The following PLXNC1 variants were observed in gnomAD, a reference collection of about 807,000 sequenced individuals.
PLXNC1 encodes plexin-C1.
PLXNC1 carries 75 observed loss-of-function variants against 178.2 expected under a neutral mutation model. The observed-to-expected ratio is 0.42, with a 90% CI of 0.35 to 0.51. The LOEUF is 0.51. PLXNC1 is among the 20% of genes least tolerant of loss of function. The probability of loss-of-function intolerance (pLI) is 0.02; values close to 1 mark genes in which losing one functional copy is unlikely to be tolerated. For missense variants in PLXNC1, 1,503 were observed against 1,984.4 expected, an observed-to-expected ratio of 0.76 and a Z score of 4.61; for synonymous variants, 790 against 779.9, an observed-to-expected ratio of 1.01 and a Z score of -0.22.
chr12:94,177,073 G>GTGTATATATATA (rs1555195584), intron 2 of PLXNC1, among the ~76,000 whole-genome samples: 2 of 136,394 alleles, frequency 1.5e-5, no homozygotes, highest in Non-Finnish European at 3.1e-5. Flanking sequence ...GTGTGTGTGT[G>GTGTATATATATA]TGTGTATATA....
chr12:94,177,599 GGGAGA>G (rs149177095), intron 2 of PLXNC1, among the ~76,000 whole-genome samples: 1,638 of 151,794 alleles, frequency 0.011, 27 homozygotes, highest in African/African-American at 0.037. Context: ...GAGAAAGGAA[GGGAGA>G]GGAGAGGAGA....
chr12:94,267,842 C>T lies in PLXNC1; in HGVS notation c.3597+2617C>T, dbSNP rs1217040712. On this transcript the variant is annotated intron_variant, in intron 21 of 30. Transcript: ENST00000258526. ...AATTTTCTTTCTTCCTCCCTTCCCT[C>T]CTCCCCTTCTTTTTCACTTCCCCCA... Among the ~76,000 whole-genome samples the T allele has an allele frequency of 2.0e-5, 3 of 152,200 alleles. 1 individual carries two copies. Among genetic ancestry groups the T allele is most frequent in the African/African-American group, 4.8e-5 (2 of 41,450 alleles).
rs1964603811 is a variant in PLXNC1 at position 94,248,958 on chromosome 12, G to T, written c.2778+546G>T. ...TGCTATATTTATATCCCATAATAAA[G>T]ATGTGAGACCACTGAGAAGGGAAAC... On this transcript the variant is annotated intron_variant, in intron 14 of 30. Transcript: ENST00000258526. Among the ~76,000 whole-genome samples the T allele has an allele frequency of 2.0e-5, 3 of 152,210 alleles. No homozygotes were observed. In the South Asian group the frequency reaches 6.2e-4, roughly 32 times the overall value.
At position 94,265,099 on chromosome 12, in the gene PLXNC1, C is replaced by G; in HGVS notation, c.3471C>G (p.Phe1157Leu). 6.2e-7 allele frequency: 1 copy of G among 1,614,196 alleles called. No homozygotes were observed. The highest frequency in any genetic ancestry group is 8.5e-7 in the Non-Finnish European group (1 of 1,180,012). The change falls in exon 21 of 31, where the codon TTC becomes TTG. Residue 1157 changes from phenylalanine to leucine, a missense_variant. Phe to Leu is a conservative substitution (Grantham distance 22, BLOSUM62 0). This residue lies in a region of PLXNC1 where 639 missense variants were observed against 979.7 expected (regional missense o/e 0.65). Coordinates refer to ENST00000258526, the MANE Select transcript of PLXNC1 (RefSeq NM_005761.3). Reference protein sequence around the residue: ...GFLRETVGEPFYLLVTTLNQK... With the variant: ...GFLRETVGEPLYLLVTTLNQK... ...CCAAGGAGACTGTCGGAGAGCCCTT[C>G]TATTTGCTGGTGACGACTCTGAACC...
At chr12:94,228,988 C>T (rs1167521297) in intron 9 of PLXNC1, among the ~76,000 whole-genome samples, 1 of 152,178 alleles carries the variant, frequency 6.6e-6, no homozygotes, top group Non-Finnish European at 1.5e-5. Flanking sequence ...GTACCGTTTT[C>T]CATAGCAACG....
intron 4 of PLXNC1, among the ~76,000 whole-genome samples, chr12:94,199,427 A>G (rs541168449): frequency 6.6e-6 from 1 of 152,318 alleles, no homozygotes; most frequent in African/African-American, 2.4e-5. Context: ...AGAAGCAAGT[A>G]GGACAACTGT....
chr12:94,163,364 A>G (rs1592722071), intron 1 of PLXNC1, among the ~76,000 whole-genome samples: 2 of 152,272 alleles, frequency 1.3e-5, no homozygotes, highest in Admixed American at 6.5e-5. Context: ...TCTCAAAATA[A>G]TAATAATAAA....
chr12:94,260,898 C>A lies in PLXNC1; in HGVS notation c.3450+58C>A. On this transcript the variant is annotated intron_variant, in intron 20 of 30. Transcript: ENST00000258526. This position sits in a 1 kb window ranked among gnomAD's most constrained non-coding sequence, Gnocchi z 4.4. Reference sequence around the variant, plus strand: ...TAAGACAATAGGCAGTTATTTTTAGCGGACTCTGATGCCTTTGCCAGGATA... The same window carrying A: ...TAAGACAATAGGCAGTTATTTTTAGAGGACTCTGATGCCTTTGCCAGGATA... The A allele has an allele frequency of 1.4e-6, 2 of 1,437,304 alleles. No individual in the cohort carries two copies. Among genetic ancestry groups the A allele is most frequent in the Non-Finnish European group, 9.7e-7 (1 of 1,028,160 alleles). The allele number at this position is 1,437,304 out of a possible 1,614,324, so 89.0% of individuals were successfully genotyped here.
At chr12:94,156,151 A>G (rs1424369509) in intron 1 of PLXNC1, among the ~76,000 whole-genome samples, 1 of 152,218 alleles carries the variant, frequency 6.6e-6, no homozygotes, top group Non-Finnish European at 1.5e-5. Flanking sequence ...TCACGAGTTA[A>G]TAAGTATAGA....
chr12:94,285,482 A>G (rs1007717648), intron 23 of PLXNC1, among the ~76,000 whole-genome samples: 5 of 152,182 alleles, frequency 3.3e-5, no homozygotes, highest in African/African-American at 1.2e-4. Flanking sequence ...CAGGCTAGCA[A>G]CTTGCCCCGT....
chr12:94,211,426 A>G (rs991652662), intron 5 of PLXNC1, among the ~76,000 whole-genome samples: 1 of 152,168 alleles, frequency 6.6e-6, no homozygotes, highest in Non-Finnish European at 1.5e-5. Flanking sequence ...AATATTTCCT[A>G]CCCTATTGCC....
chr12:94,158,858 C>G (rs1961272340), intron 1 of PLXNC1, among the ~76,000 whole-genome samples: 1 of 152,130 alleles, frequency 6.6e-6, no homozygotes, highest in Non-Finnish European at 1.5e-5. Flanking sequence ...TTGGGAGTTT[C>G]CGGAGCCCTA....
At chr12:94,262,974 T>C (rs759802989) in intron 20 of PLXNC1, among the ~76,000 whole-genome samples, 36 of 152,196 alleles carry the variant, frequency 2.4e-4, no homozygotes, top group Non-Finnish European at 4.4e-4. Flanking sequence ...TCACTGCTAC[T>C]GTGGGACAGC....
In PLXNC1 at chr12:94,148,958, G is replaced by T; in HGVS notation, c.-14G>T. ...CCGCCGCGCGCCCTGCCCGGGGGCGGCCCCCCCAGCCCCATGGAGGTCTCC... is the reference window on the plus strand; with the variant it reads ...CCGCCGCGCGCCCTGCCCGGGGGCGTCCCCCCCAGCCCCATGGAGGTCTCC... On this transcript the variant is annotated 5_prime_UTR_variant, in exon 1 of 31. Transcript: ENST00000258526. This position sits in a 1 kb window ranked among gnomAD's most constrained non-coding sequence, Gnocchi z 4.8. 8.9e-7 allele frequency: 1 copy of T among 1,128,484 alleles called. No individual in the cohort carries two copies. The highest frequency in any genetic ancestry group is 1.1e-6 in the Non-Finnish European group (1 of 887,354). 69.9% of individuals were successfully genotyped at this position (1,128,484 alleles called of 1,614,324 possible).
At position 94,297,300 on chromosome 12, in the gene PLXNC1, G is replaced by A. The variant is rs758233269; in HGVS notation, c.3967-16G>A. The A allele has an allele frequency of 6.2e-7, 1 of 1,613,004 alleles. No homozygotes were observed. Among genetic ancestry groups the A allele is most frequent in the Non-Finnish European group, 8.5e-7 (1 of 1,178,968 alleles). ...AGTGGTCTCCTTGGGTAACGCTTCT[G>A]CTGTCTTCCCTTCAGATTTTACCAG... On this transcript the variant is annotated splice_polypyrimidine_tract_variant and intron_variant, in intron 25 of 30. Transcript: ENST00000258526.
chr12:94,264,754 C>G (rs992563285), intron 20 of PLXNC1, among the ~76,000 whole-genome samples: 6 of 152,180 alleles, frequency 3.9e-5, no homozygotes, highest in Non-Finnish European at 8.8e-5. Flanking sequence ...CTAACTGTTC[C>G]TAGGCATTAA....
At chr12:94,157,422 T>G (rs565760215) in intron 1 of PLXNC1, among the ~76,000 whole-genome samples, 1 of 152,282 alleles carries the variant, frequency 6.6e-6, no homozygotes, top group African/African-American at 2.4e-5. Flanking sequence ...TTGGGAACAG[T>G]GTGTGGCCAG....
At chr12:94,238,571 G>C (rs753729314) in intron 10 of PLXNC1, among the ~76,000 whole-genome samples, 2 of 151,892 alleles carry the variant, frequency 1.3e-5, no homozygotes, top group Admixed American at 6.6e-5. Flanking sequence ...ACTCATATAA[G>C]TTTGGGCTAA....
In PLXNC1 at chr12:94,305,296, G is replaced by A. The variant is rs768221105; in HGVS notation, c.*11G>A. 1.2e-4 allele frequency: 179 copies of A among 1,555,908 alleles called. 1 individual carries two copies. Among genetic ancestry groups the A allele is most frequent in the Admixed American group, 1.5e-4 (9 of 59,054 alleles). On this transcript the variant is annotated 3_prime_UTR_variant, in exon 31 of 31. Coordinates refer to ENST00000258526, the MANE Select transcript of PLXNC1 (RefSeq NM_005761.3). ...TGCAAGTGGATGTAAGCACTCTGGG[G>A]CCTGGCTTAATCTGGCAAAGTTCTT...
Sources: allele counts gnomAD v4.1 joint callset (sites outside exome capture counted in the v4.1 genomes callset), GRCh38; gene constraint gnomAD v4.1.1; regional missense constraint gnomAD v4.1.1; non-coding constraint Gnocchi (gnomAD v3.1); transcripts MANE v1.5; gene names NCBI Gene and HGNC (gene_info 2026-07-23, HGNC 2026-07-21).